CTTNBP2NL: variants seen among roughly 807,000 people sequenced by gnomAD.
CTTNBP2NL encodes the protein CTTNBP2 N-terminal-like protein.
CTTNBP2NL carries 16 observed loss-of-function variants against 32.5 expected under a neutral mutation model. That is an observed-to-expected ratio of 0.49 (90% CI 0.33 to 0.75). The LOEUF is 0.75. Ranked by LOEUF, CTTNBP2NL falls within the 30% of genes least tolerant of loss-of-function variation. The pLI, the probability that CTTNBP2NL is intolerant of heterozygous loss-of-function variation, is 0.02. For missense variants in CTTNBP2NL, 645 were observed against 756.0 expected, an observed-to-expected ratio of 0.85 and a Z score of 1.72; for synonymous variants, 298 against 289.4, an observed-to-expected ratio of 1.03 and a Z score of -0.30.
intron 3 of CTTNBP2NL, among the ~76,000 whole-genome samples, chr1:112,431,305 C>A (rs1285077375): frequency 6.6e-6 from 1 of 152,178 alleles, no homozygotes; most frequent in African/African-American, 2.4e-5. Flanking sequence ...TGAGATTAAT[C>A]AGGGGTTATT....
At position 112,441,040 on chromosome 1, in the gene CTTNBP2NL, A is replaced by G. The variant is rs1039761340; in HGVS notation, c.100-7902A>G. ...TTTATTATATATATTTACATTTTAC[A>G]TTGTTTAACTGGAGGTATAATTTGG... is the stretch of plus-strand genomic sequence containing the variant. On this transcript the variant is annotated intron_variant, in intron 3 of 5. Transcript: ENST00000271277. Among the ~76,000 whole-genome samples the G allele has an allele frequency of 2.6e-5, 4 of 152,204 alleles. No homozygotes were observed. The East Asian group carries it at 5.8e-4, about 22-fold the overall frequency.
chr1:112,456,377 C>T lies in CTTNBP2NL; in HGVS notation c.885C>T (p.Thr295=), dbSNP rs1473818673. The stretch of plus-strand genomic sequence containing the variant: ...ATGAGCAATTGAAGAAACCAGTAAC[C>T]GTGTCCAAAGGCACAGCAACTGAGC... The part of the protein sequence containing the change: ...SPNEQLKKPV[T]VSKGTATEPL... The change falls in exon 6 of 6, where the codon ACC becomes ACT. Residue 295 remains threonine, a synonymous_variant. Coordinates refer to ENST00000271277, the MANE Select transcript of CTTNBP2NL (RefSeq NM_018704.3). The T allele has an allele frequency of 7.4e-6, 12 of 1,613,922 alleles. No homozygotes were observed. The highest frequency in any genetic ancestry group is 1.6e-4 in the Middle Eastern group (1 of 6,084).
intron 2 of CTTNBP2NL, among the ~76,000 whole-genome samples, chr1:112,413,301 G>C (rs1408626373): frequency 1.3e-5 from 2 of 152,166 alleles, no homozygotes; most frequent in Non-Finnish European, 2.9e-5. Flanking sequence ...AATTGCAAAA[G>C]GGCAACTGAA....
In CTTNBP2NL at chr1:112,459,740, A is replaced by C. The variant is rs187153564; in HGVS notation, c.*2328A>C. 1 of 152,188 alleles carries C rather than the reference A, an allele frequency of 6.6e-6. No homozygotes were observed. The highest frequency in any genetic ancestry group is 1.5e-5 in the Non-Finnish European group (1 of 68,036). 9.4% of individuals were successfully genotyped at this position (152,188 alleles called of 1,614,324 possible). ...TGGAGAGGAGGCTACAGTGCCAGAG[A>C]GTTATTGTCTCTTTTGCTTTAAATG... On this transcript the variant is annotated 3_prime_UTR_variant, in exon 6 of 6. Coordinates refer to ENST00000271277, the MANE Select transcript of CTTNBP2NL (RefSeq NM_018704.3).
intron 3 of CTTNBP2NL, among the ~76,000 whole-genome samples, chr1:112,416,503 C>CT (rs11384993): frequency 0.51 from 74,835 of 145,674 alleles, 21,183 homozygotes; most frequent in South Asian, 0.71. Context: ...GAACTTCATT[C>CT]TTTTTTTTTT....
chr1:112,430,296 G>A (rs1382797278), intron 3 of CTTNBP2NL, among the ~76,000 whole-genome samples: 1 of 151,588 alleles, frequency 6.6e-6, no homozygotes, highest in Non-Finnish European at 1.5e-5. Flanking sequence ...CATGATCTCA[G>A]CTCACTGCAA....
chr1:112,418,216 A>C (rs749474786), intron 3 of CTTNBP2NL, among the ~76,000 whole-genome samples: 1 of 152,222 alleles, frequency 6.6e-6, no homozygotes, highest in Non-Finnish European at 1.5e-5. Context: ...TTCTTTCAGG[A>C]TATGTTGTAA....
At chr1:112,440,034 G>A (rs988217806) in intron 3 of CTTNBP2NL, among the ~76,000 whole-genome samples, 1 of 152,134 alleles carries the variant, frequency 6.6e-6, no homozygotes, top group African/African-American at 2.4e-5. Flanking sequence ...CTCCTTGAGG[G>A]CAGTGGACTA....
chr1:112,447,094 G>A (rs1650067740), intron 3 of CTTNBP2NL, among the ~76,000 whole-genome samples: 1 of 151,870 alleles, frequency 6.6e-6, no homozygotes, highest in African/African-American at 2.4e-5. Flanking sequence ...CTAACATGGT[G>A]AAACCCCGTC....
At chr1:112,399,787 G>A (rs1262190530) in intron 1 of CTTNBP2NL, among the ~76,000 whole-genome samples, 3 of 152,152 alleles carry the variant, frequency 2.0e-5, no homozygotes, top group African/African-American at 7.2e-5. Flanking sequence ...CTGAATATTT[G>A]GCCGAGCATG....
intron 3 of CTTNBP2NL, among the ~76,000 whole-genome samples, chr1:112,447,272 TAAAAAAAAAAA>T (rs35522134): frequency 1.4e-5 from 1 of 69,678 alleles, no homozygotes; most frequent in Non-Finnish European, 2.7e-5. Context: ...AGACTCCATC[TAAAAAAAAAAA>T]AAAAAAAAAA....
intron 3 of CTTNBP2NL, among the ~76,000 whole-genome samples, chr1:112,427,541 A>G (rs112011564): frequency 0.014 from 2,114 of 152,290 alleles, 45 homozygotes; most frequent in African/African-American, 0.047. Context: ...TTAACTTCCA[A>G]TTACCCCTCA....
chr1:112,398,016 T>C (rs12727145), intron 1 of CTTNBP2NL, among the ~76,000 whole-genome samples: 160 of 152,288 alleles, frequency 1.1e-3, no homozygotes, highest in Middle Eastern at 0.01. Context: ...CTGGAGGGTG[T>C]CTCTAGCAAA....
At chr1:112,432,873 C>T (rs574186362) in intron 3 of CTTNBP2NL, among the ~76,000 whole-genome samples, 1 of 151,970 alleles carries the variant, frequency 6.6e-6, no homozygotes, top group South Asian at 2.1e-4. Flanking sequence ...TACTCATTTG[C>T]CTTTTGTTTC....
At chr1:112,420,745 G>A (rs144623735) in intron 3 of CTTNBP2NL, among the ~76,000 whole-genome samples, 2 of 152,304 alleles carry the variant, frequency 1.3e-5, no homozygotes, top group Admixed American at 6.5e-5. Flanking sequence ...GGGATTACAG[G>A]CATGAGCCAC....
chr1:112,411,747 A>G lies in CTTNBP2NL; in HGVS notation c.-133-447A>G, dbSNP rs186426468. Reference sequence around the variant, plus strand: ...GCCCAGGCTGGAGTGCAGTGGCACAATCTCGGCTCACTACAAGCTCCACCT... The same window carrying G: ...GCCCAGGCTGGAGTGCAGTGGCACAGTCTCGGCTCACTACAAGCTCCACCT... On this transcript the variant is annotated intron_variant, in intron 1 of 5. Transcript: ENST00000271277. Among the ~76,000 whole-genome samples the G allele has an allele frequency of 2.9e-3, 446 of 151,752 alleles. 1 individual carries two copies. Among genetic ancestry groups the G allele is most frequent in the African/African-American group, 1.0e-2 (412 of 41,352 alleles).
intron 3 of CTTNBP2NL, among the ~76,000 whole-genome samples, chr1:112,421,616 CAAAA>C (rs34720155): frequency 4.2e-5 from 3 of 71,002 alleles, no homozygotes; most frequent in Non-Finnish European, 3.6e-5. Flanking sequence ...CCCATTTCTA[CAAAA>C]AAAAAAAAAA....
chr1:112,439,851 T>G (rs1298009447), intron 3 of CTTNBP2NL, among the ~76,000 whole-genome samples: 1 of 152,226 alleles, frequency 6.6e-6, no homozygotes, highest in Non-Finnish European at 1.5e-5. Flanking sequence ...GTTGGCCTTT[T>G]CCTTCCTATT....
At chr1:112,447,029 C>T (rs1650062362) in intron 3 of CTTNBP2NL, among the ~76,000 whole-genome samples, 1 of 152,096 alleles carries the variant, frequency 6.6e-6, no homozygotes, top group African/African-American at 2.4e-5. Flanking sequence ...AATCCCAGCA[C>T]TTTGGGAGGC....
Sources: allele counts gnomAD v4.1 joint callset (sites outside exome capture counted in the v4.1 genomes callset), GRCh38; gene constraint gnomAD v4.1.1; transcripts MANE v1.5; gene names NCBI Gene and HGNC (gene_info 2026-07-23, HGNC 2026-07-21).